The following CAPN7 variants were observed in gnomAD, a reference collection of about 807,000 sequenced individuals.
CAPN7 encodes calpain-7.
In CAPN7, 72 loss-of-function variants were observed where a neutral mutation model predicts 115.2. The observed-to-expected ratio is 0.63, with a 90% CI of 0.52 to 0.76. CAPN7 has a LOEUF of 0.76. Ranked by LOEUF, CAPN7 falls within the 30% of genes least tolerant of loss-of-function variation. The pLI is 0.00. For missense variants in CAPN7, 905 were observed against 971.5 expected (o/e 0.93, Z 0.91); for synonymous variants, 344 against 322.3 (o/e 1.07, Z -0.72).
chr3:15,233,768 C>T (rs1044205037), intron 10 of CAPN7, 99 bp from the exon 11 acceptor site: 5 of 693,878 alleles, frequency 7.2e-6, no homozygotes, highest in African/African-American at 3.7e-5. Flanking sequence ...TTATTTCTAC[C>T]AAAATCATTA....
intron 9 of CAPN7, among the ~76,000 whole-genome samples, chr3:15,231,934 CTT>C (rs1438603964): frequency 6.6e-6 from 1 of 152,122 alleles, no homozygotes; most frequent in African/African-American, 2.4e-5. Context: ...ATACATGAGT[CTT>C]TTTATAGGTT....
At chr3:15,232,073 T>C (rs1694725291) in intron 9 of CAPN7, 2 of 339,590 alleles carry the variant, frequency 5.9e-6, no homozygotes, top group South Asian at 4.8e-5. Context: ...AGAAGTGTTT[T>C]GGATTTTGGA....
rs1466969158 is a variant in CAPN7, at chr3:15,217,510, T to G, written c.297T>G (p.Asp99Glu). ...ATTTCCTTGTTACACAAGCTTTTGA[T>G]GAAGATGAAAAAGAGAATGTTGAAG... ...RAHFLVTQAF[D>E]EDEKENVEDA... Residue 99 changes from aspartate to glutamate, a missense_variant, in exon 3 of 21, where the codon GAT becomes GAG. Around this residue, in one of 3 missense-constraint regions of CAPN7, gnomAD observed 271 missense variants for 239.6 expected, o/e 1.13. Coordinates refer to ENST00000253693, the MANE Select transcript of CAPN7 (RefSeq NM_014296.3). 1.1e-5 allele frequency: 17 copies of G among 1,613,898 alleles called. No individual in the cohort carries two copies. Among genetic ancestry groups the G allele is most frequent in the Non-Finnish European group, 1.4e-5 (17 of 1,179,856 alleles).
intron 1 of CAPN7, among the ~76,000 whole-genome samples, chr3:15,211,617 A>G (rs1455827112): frequency 6.6e-6 from 1 of 151,384 alleles, no homozygotes; most frequent in African/African-American, 2.4e-5. Flanking sequence ...GATTTGGGCC[A>G]GGTGTGGTGG....
chr3:15,249,013 AAAAAAAAAAAAC>A lies in CAPN7; in HGVS notation c.2204+1562_2204+1573del, dbSNP rs1234775196. On this transcript the variant is annotated intron_variant, in intron 19 of 20. Transcript: ENST00000253693. ...CCTGTCTCATACAACAACCAAAAAA[AAAAAAAAAAAAC>A]AAAAACAGAATACAAATAAAAACAG... Among the ~76,000 whole-genome samples the A allele has an allele frequency of 9.4e-4, 141 of 150,002 alleles. 2 individuals carry two copies. The highest frequency in any genetic ancestry group is 3.0e-3 in the African/African-American group (123 of 40,638).
intron 12 of CAPN7, among the ~76,000 whole-genome samples, chr3:15,238,848 A>ATTTTT (rs1373380032): frequency 6.7e-5 from 9 of 133,612 alleles, no homozygotes; most frequent in African/African-American, 3.0e-4. Context: ...AGCAAAATCA[A>ATTTTT]ATTTTTTTTT....
chr3:15,216,786 G>A (rs76799535), intron 2 of CAPN7, among the ~76,000 whole-genome samples: 124 of 152,270 alleles, frequency 8.1e-4, no homozygotes, highest in African/African-American at 2.8e-3. Flanking sequence ...GAATGCCTGT[G>A]TTTCAATTTT....
At chr3:15,241,635 A>G in intron 15 of CAPN7, 47 bp downstream of exon 15, 2 of 1,563,406 alleles carry the variant, frequency 1.3e-6, no homozygotes, top group Non-Finnish European at 1.8e-6. Flanking sequence ...TTTTTTTAAT[A>G]TAGTTAGAAC....
Position 15,223,483 on chromosome 3 carries a change from C to A in CAPN7, c.647C>A (p.Ser216Ter). 2.5e-6 allele frequency: 4 copies of A among 1,605,064 alleles called. No individual in the cohort carries two copies. The highest frequency in any genetic ancestry group is 2.6e-6 in the Non-Finnish European group (3 of 1,173,262). The part of the protein sequence containing the change: ...AEEIEVLRTT[S>*]KINGIEYVPF... ...TTTCTCGTGTTTGATAGGACAACAT[C>A]AAAAATAAATGGTATAGAATATGTT... The change falls in exon 6 of 21, where the codon TCA becomes TAA. Residue 216 changes from serine (S) to a stop codon, truncating the protein, a stop_gained. Transcript: ENST00000253693. LOFTEE classifies it high-confidence loss of function.
At chr3:15,231,429 G>A (rs1333792390) in intron 9 of CAPN7, among the ~76,000 whole-genome samples, 1 of 152,046 alleles carries the variant, frequency 6.6e-6, no homozygotes, top group Non-Finnish European at 1.5e-5. Flanking sequence ...TAATTTTACT[G>A]AACTATAATT....
rs1399899112 is a variant in CAPN7 at position 15,240,788 on chromosome 3, G to A, written c.1587G>A (p.Gln529=). ...IFWISWDDLC[Q]YYDVIYLSWN... is the part of the protein sequence containing the mutation. ...GGATTTCCTGGGATGATCTCTGCCA[G>A]TATTATGATGTGATTTATTTGAGTT... Residue 529 remains glutamine (Q), a synonymous_variant, in exon 14 of 21, where the codon CAG becomes CAA. Coordinates refer to ENST00000253693, the MANE Select transcript of CAPN7 (RefSeq NM_014296.3). The A allele has an allele frequency of 6.2e-7, 1 of 1,612,338 alleles. No individual in the cohort carries two copies. Among genetic ancestry groups the A allele is most frequent in the Non-Finnish European group, 8.5e-7 (1 of 1,178,838 alleles).
chr3:15,234,977 T>C (rs757578511), intron 11 of CAPN7, 48 bp from the exon 12 acceptor site: 5 of 1,555,232 alleles, frequency 3.2e-6, no homozygotes, highest in Non-Finnish European at 4.4e-6. Context: ...TGATCTTAGA[T>C]TACAAATGTG....
intron 12 of CAPN7, among the ~76,000 whole-genome samples, chr3:15,239,398 A>C (rs1243989111): frequency 6.6e-6 from 1 of 152,218 alleles, no homozygotes; most frequent in Non-Finnish European, 1.5e-5. Flanking sequence ...TATTTTCCCG[A>C]ATCAATGTAA....
intron 6 of CAPN7, among the ~76,000 whole-genome samples, chr3:15,225,918 T>G (rs1372221473): frequency 6.6e-6 from 1 of 152,164 alleles, no homozygotes; most frequent in Non-Finnish European, 1.5e-5. Context: ...ACAGTAAATG[T>G]TTTTAAGTTG....
chr3:15,227,882 A>AC lies in CAPN7; in HGVS notation c.770dup (p.Phe258IlefsTer24). 1 of 1,549,952 alleles carries AC rather than the reference A, an allele frequency of 6.5e-7. No homozygotes were observed. The highest frequency in any genetic ancestry group is 8.7e-7 in the Non-Finnish European group (1 of 1,146,054). Reference sequence around the variant, plus strand: ...ACCATTATCACCTAAACAAAAAACTACATTTTCCAAGTGGGTACGACCAGA... The same window carrying AC: ...ACCATTATCACCTAAACAAAAAACTACCATTTTCCAAGTGGGTACGACCAGA... On this transcript the variant is annotated frameshift_variant, in exon 7 of 21. Transcript: ENST00000253693. LOFTEE classifies it high-confidence loss of function.
chr3:15,243,944 AAATT>A (rs1173342005), intron 16 of CAPN7, among the ~76,000 whole-genome samples: 8 of 152,216 alleles, frequency 5.3e-5, no homozygotes, highest in Non-Finnish European at 1.2e-4. Flanking sequence ...CCTAAAATAA[AAATT>A]AAAGGGAAGA....
intron 1 of CAPN7, among the ~76,000 whole-genome samples, chr3:15,207,400 G>A (rs907728960): frequency 1.3e-5 from 2 of 152,170 alleles, no homozygotes; most frequent in African/African-American, 4.8e-5. Flanking sequence ...TGAATGTGAA[G>A]GCCTGGGACA....
rs1157304882 is a variant in CAPN7, at chr3:15,206,383, C to T, written c.-113C>T. ...CCTCCACCGTCCAAAGTAAACTTTGCCGCTCCTTCCGCGGCGCTCCCGAGT... is the reference window on the plus strand; with the variant it reads ...CCTCCACCGTCCAAAGTAAACTTTGTCGCTCCTTCCGCGGCGCTCCCGAGT... On this transcript the variant is annotated 5_prime_UTR_variant, in exon 1 of 21. Transcript: ENST00000253693. 1.4e-5 allele frequency: 10 copies of T among 735,244 alleles called. No individual in the cohort carries two copies. Among genetic ancestry groups the T allele is most frequent in the Non-Finnish European group, 1.8e-5 (8 of 446,556 alleles). The allele number at this position is 735,244 out of a possible 1,614,324, so 45.5% of individuals were successfully genotyped here.
intron 6 of CAPN7, among the ~76,000 whole-genome samples, chr3:15,227,109 TAAAA>T (rs61571165): frequency 1.6e-5 from 2 of 128,268 alleles, no homozygotes; most frequent in Non-Finnish European, 1.7e-5. Context: ...CCTCAACTGT[TAAAA>T]AAAAAAAAAA....
Sources: gnomAD v4.1 joint callset for allele counts (sites outside exome capture counted in the v4.1 genomes callset) on GRCh38, gnomAD v4.1.1 for gene constraint, gnomAD v4.1.1 regional missense constraint, MANE v1.5 for transcripts, NCBI Gene and HGNC (gene_info 2026-07-23, HGNC 2026-07-21) for gene names.